ADAM19: variants seen among roughly 807,000 people sequenced by gnomAD.
ADAM19 encodes the protein disintegrin and metalloproteinase domain-containing protein 19.
Under a neutral mutation model 114.7 loss-of-function variants are expected in ADAM19, and 65 were observed. The observed-to-expected ratio is 0.57, with a 90% confidence interval of 0.46 to 0.70. ADAM19 has a LOEUF of 0.70. Among genes scored for constraint, ADAM19 ranks in the 30% least tolerant of loss-of-function variants. The pLI is 0.00. For missense variants in ADAM19, 1,063 were observed against 1,204.7 expected (o/e 0.88, Z 1.74); for synonymous variants, 466 against 460.5 (o/e 1.01, Z -0.15).
At chr5:157,522,205 C>T (rs1310139510) in intron 5 of ADAM19, among the ~76,000 whole-genome samples, 6 of 152,208 alleles carry the variant, frequency 3.9e-5, no homozygotes, top group Admixed American at 6.5e-5. Flanking sequence ...TTGTCCCCAA[C>T]GTACAAATGG....
chr5:157,533,215 A>G (rs1318001561), intron 4 of ADAM19, among the ~76,000 whole-genome samples: 1 of 152,180 alleles, frequency 6.6e-6, no homozygotes, highest in Non-Finnish European at 1.5e-5. Context: ...TCGGCCAGCG[A>G]TGTGGCTCCT....
Position 157,547,849 on chromosome 5 carries a change from G to A in ADAM19, c.252-9858C>T, listed in dbSNP as rs759984203. Reference sequence around the variant, plus strand: ...CCCTAAATTAGTCCTTCTCAAATGCGTTTTGGATGCTGTCACTATGTGACT... The same window carrying A: ...CCCTAAATTAGTCCTTCTCAAATGCATTTTGGATGCTGTCACTATGTGACT... On this transcript the variant is annotated intron_variant, in intron 3 of 22. Transcript: ENST00000257527. Among the ~76,000 whole-genome samples, 4 of 152,160 alleles carry A rather than the reference G, an allele frequency of 2.6e-5. 1 individual carries two copies. Among genetic ancestry groups the A allele is most frequent in the African/African-American group, 2.4e-5 (1 of 41,502 alleles).
chr5:157,560,680 G>C (rs1037534712), intron 3 of ADAM19, among the ~76,000 whole-genome samples: 1 of 152,198 alleles, frequency 6.6e-6, no homozygotes, highest in African/African-American at 2.4e-5. Context: ...GACTGTGTCT[G>C]TATGTGATTG....
intron 3 of ADAM19, among the ~76,000 whole-genome samples, chr5:157,557,640 G>A (rs1318360145): frequency 6.6e-6 from 1 of 152,208 alleles, no homozygotes; most frequent in Admixed American, 6.5e-5. Context: ...CGGTTCTAGA[G>A]TCTGAGAAGT....
At chr5:157,534,333 T>C (rs10075734) in intron 4 of ADAM19, among the ~76,000 whole-genome samples, 25,361 of 152,054 alleles carry the variant, frequency 0.17, 2,313 homozygotes, top group Middle Eastern at 0.23. Context: ...CCAGGCGTGA[T>C]GGCGGGCACT....
At chr5:157,501,035 C>T (rs879231775) in intron 12 of ADAM19, among the ~76,000 whole-genome samples, 1 of 152,170 alleles carries the variant, frequency 6.6e-6, no homozygotes, top group Admixed American at 6.5e-5. Flanking sequence ...ACCTTATACC[C>T]CTAACTGTCC....
Position 157,489,086 on chromosome 5 carries a change from G to A in ADAM19, c.2325+16C>T. On this transcript the variant is annotated intron_variant, in intron 20 of 22. Transcript: ENST00000257527. ...TAAAGGAAAAGTAGCAAAGTTCAGT[G>A]GTGCAAAGCTCTTACCTTTCGCTTG... 1 of 1,609,286 alleles carries A rather than the reference G, an allele frequency of 6.2e-7. No homozygotes were observed. The highest frequency in any genetic ancestry group is 8.5e-7 in the Non-Finnish European group (1 of 1,175,660).
rs908653085 is a variant in ADAM19, at chr5:157,480,140, G to A, written c.*809C>T. 8 of 985,922 alleles carry A rather than the reference G, an allele frequency of 8.1e-6. No homozygotes were observed. Among genetic ancestry groups the A allele is most frequent in the African/African-American group, 7.0e-5 (4 of 57,212 alleles). 61.1% of individuals were successfully genotyped at this position (985,922 alleles called of 1,614,324 possible). A position where few individuals can be genotyped will look rare whatever the true frequency, so the allele number is the denominator to read the frequency against. On this transcript the variant is annotated 3_prime_UTR_variant, in exon 23 of 23. Transcript: ENST00000257527. ...CCACACATTAGAGGGAGAATGAGAG[G>A]GGAAGGAAGAGAGAAAAGCGTGGGG...
At chr5:157,532,988 CG>C (rs1350796952) in intron 4 of ADAM19, among the ~76,000 whole-genome samples, 3 of 152,208 alleles carry the variant, frequency 2.0e-5, no homozygotes, top group African/African-American at 7.2e-5. Flanking sequence ...CGATAAACAT[CG>C]GCAACCAAAT....
chr5:157,557,109 C>T (rs565828648), intron 3 of ADAM19, among the ~76,000 whole-genome samples: 18 of 152,144 alleles, frequency 1.2e-4, no homozygotes, highest in Admixed American at 5.2e-4. Flanking sequence ...GGTTTTGCCA[C>T]ATTGCCCAGG....
At chr5:157,528,879 C>T (rs1205113927) in intron 5 of ADAM19, among the ~76,000 whole-genome samples, 4 of 152,200 alleles carry the variant, frequency 2.6e-5, no homozygotes, top group African/African-American at 9.6e-5. Context: ...GGTTTTCCCT[C>T]CACCTGTGTA....
intron 7 of ADAM19, among the ~76,000 whole-genome samples, chr5:157,513,857 A>G (rs1756009085): frequency 6.6e-6 from 1 of 152,146 alleles, no homozygotes; most frequent in Non-Finnish European, 1.5e-5. Flanking sequence ...GACTGATCCA[A>G]TCCTCACCGT....
Position 157,480,024 on chromosome 5 carries a change from T to G in ADAM19, c.*925A>C. Reference sequence around the variant, plus strand: ...CTGAGAGCCAGTGAGGGAAATCCAGTGGCCGACTGTGAGAGAGGACTCTGA... The same window carrying G: ...CTGAGAGCCAGTGAGGGAAATCCAGGGGCCGACTGTGAGAGAGGACTCTGA... On this transcript the variant is annotated 3_prime_UTR_variant, in exon 23 of 23. Transcript: ENST00000257527. 1.0e-6 allele frequency: 1 copy of G among 985,896 alleles called. No individual in the cohort carries two copies. 61.1% of individuals were successfully genotyped at this position (985,896 alleles called of 1,614,324 possible). A position where few individuals can be genotyped will look rare whatever the true frequency, so the allele number is the denominator to read the frequency against.
At chr5:157,575,510 G>T in intron 1 of ADAM19, 93 bp downstream of exon 1, 2 of 938,572 alleles carry the variant, frequency 2.1e-6, no homozygotes, top group Non-Finnish European at 2.9e-6. Flanking sequence ...TGCGGGAGGC[G>T]CAGGGGTCGC....
chr5:157,479,509 C>T lies in ADAM19; in HGVS notation c.*1440G>A, dbSNP rs761353846. On this transcript the variant is annotated 3_prime_UTR_variant, in exon 23 of 23. Transcript: ENST00000257527. Reference sequence around the variant, plus strand: ...GAGTCTATCTCCCAGCAAACATCTCCAGGTGCTTTGCAAAAACCGTCCTAT... The same window carrying T: ...GAGTCTATCTCCCAGCAAACATCTCTAGGTGCTTTGCAAAAACCGTCCTAT... 2 of 985,920 alleles carry T rather than the reference C, an allele frequency of 2.0e-6. No homozygotes were observed. Among genetic ancestry groups the T allele is most frequent in the Non-Finnish European group, 2.4e-6 (2 of 829,988 alleles). The allele number at this position is 985,920 out of a possible 1,614,324, so 61.1% of individuals were successfully genotyped here. A position where few individuals can be genotyped will look rare whatever the true frequency, so the allele number is the denominator to read the frequency against.
At chr5:157,507,852 G>T (rs888007388) in intron 9 of ADAM19, among the ~76,000 whole-genome samples, 1 of 152,072 alleles carries the variant, frequency 6.6e-6, no homozygotes, top group African/African-American at 2.4e-5. Context: ...AAAACTACCA[G>T]TGTTTCTGTG....
intron 2 of ADAM19, among the ~76,000 whole-genome samples, chr5:157,567,559 A>T (rs1757698731): frequency 6.6e-6 from 1 of 152,180 alleles, no homozygotes; most frequent in Admixed American, 6.5e-5. Flanking sequence ...ACACTTTGGG[A>T]GGCCAAGGTG....
chr5:157,508,914 T>C (rs1363065672), intron 9 of ADAM19, among the ~76,000 whole-genome samples: 6 of 152,222 alleles, frequency 3.9e-5, no homozygotes. Flanking sequence ...CTCCTGTGCC[T>C]GTGTTGGGAG....
At chr5:157,542,440 G>A (rs544074196) in intron 3 of ADAM19, among the ~76,000 whole-genome samples, 35 of 152,360 alleles carry the variant, frequency 2.3e-4, no homozygotes, top group Non-Finnish European at 4.6e-4. Flanking sequence ...TTAAGCAGCA[G>A]CTGCACTAGG....
Sources: gnomAD v4.1 joint callset for allele counts (sites outside exome capture counted in the v4.1 genomes callset) on GRCh38, gnomAD v4.1.1 for gene constraint, MANE v1.5 for transcripts, NCBI Gene and HGNC (gene_info 2026-07-23, HGNC 2026-07-21) for gene names.